The following COL25A1 variants were observed in gnomAD, a reference collection of about 807,000 sequenced individuals.
COL25A1 encodes collagen type XXV alpha 1 chain.
COL25A1 carries 103 observed loss-of-function variants against 128.4 expected under a neutral mutation model. The observed-to-expected ratio is 0.80, with a 90% confidence interval of 0.68 to 0.94. The LOEUF (loss-of-function observed/expected upper bound fraction) is 0.94, where lower values mean the gene tolerates loss of function less well. COL25A1 is among the 40% of genes least tolerant of loss of function. The pLI, the probability that COL25A1 is intolerant of heterozygous loss-of-function variation, is 0.00. For missense variants in COL25A1, 745 were observed against 840.0 expected (o/e 0.89, Z 1.40); for synonymous variants, 279 against 277.2 (o/e 1.01, Z -0.06).
At chr4:109,020,116 C>G (rs1354021076) in intron 5 of COL25A1, among the ~76,000 whole-genome samples, 1 of 151,986 alleles carries the variant, frequency 6.6e-6, no homozygotes, top group African/African-American at 2.4e-5. Flanking sequence ...AAACATAAAG[C>G]ATTATGGATT....
At chr4:108,864,460 T>C (rs997096306) in intron 20 of COL25A1, among the ~76,000 whole-genome samples, 4 of 152,214 alleles carry the variant, frequency 2.6e-5, no homozygotes, top group Non-Finnish European at 5.9e-5. Context: ...GACAAAGTTA[T>C]AGTACTCATC....
At chr4:109,183,618 A>G (rs1195312231) in intron 3 of COL25A1, among the ~76,000 whole-genome samples, 1 of 152,164 alleles carries the variant, frequency 6.6e-6, no homozygotes, top group African/African-American at 2.4e-5. Flanking sequence ...ATAACGAGGT[A>G]TTTCAGATTT....
chr4:108,939,073 G>A (rs1207191567), intron 10 of COL25A1, among the ~76,000 whole-genome samples: 1 of 152,040 alleles, frequency 6.6e-6, no homozygotes, highest in Non-Finnish European at 1.5e-5. Context: ...CTTTAATTTT[G>A]TTTTTAAAAA....
intron 3 of COL25A1, among the ~76,000 whole-genome samples, chr4:109,192,952 A>C (rs920757267): frequency 6.6e-6 from 1 of 152,174 alleles, no homozygotes; most frequent in Non-Finnish European, 1.5e-5. Context: ...CCGCAAGCCA[A>C]CGAAAAAGAT....
At chr4:108,972,119 T>C (rs1020571397) in intron 8 of COL25A1, among the ~76,000 whole-genome samples, 14 of 152,302 alleles carry the variant, frequency 9.2e-5, no homozygotes, top group Admixed American at 4.6e-4. Context: ...GGTCTCATGA[T>C]GGAAATTCAC....
At chr4:109,000,761 A>G in intron 6 of COL25A1, among the ~76,000 whole-genome samples, 1 of 142,926 alleles carries the variant, frequency 7.0e-6, no homozygotes, top group East Asian at 2.2e-4. Context: ...AAAAAAAAAA[A>G]AAAAAAAGAA....
At chr4:108,849,488 T>G (rs1285687885) in intron 26 of COL25A1, among the ~76,000 whole-genome samples, 1 of 152,230 alleles carries the variant, frequency 6.6e-6, no homozygotes, top group Non-Finnish European at 1.5e-5. Context: ...ATATAGAGAT[T>G]TTTGTTTGCT....
At chr4:109,135,043 AAAAC>A (rs1021934528) in intron 3 of COL25A1, among the ~76,000 whole-genome samples, 2 of 148,572 alleles carry the variant, frequency 1.3e-5, no homozygotes, top group African/African-American at 5.1e-5. Context: ...AAAAAAAAAA[AAAAC>A]CAAGAGAATG....
At chr4:109,096,023 G>T (rs867518069) in intron 3 of COL25A1, among the ~76,000 whole-genome samples, 5 of 152,166 alleles carry the variant, frequency 3.3e-5, no homozygotes, top group Non-Finnish European at 7.3e-5. Context: ...GAAGTGGAGC[G>T]AACGTGTCTG....
At chr4:108,922,025 T>G (rs1361472143) in intron 11 of COL25A1, among the ~76,000 whole-genome samples, 1 of 152,114 alleles carries the variant, frequency 6.6e-6, no homozygotes, top group Non-Finnish European at 1.5e-5. Context: ...GAGCCCCTCC[T>G]CCTATACAAG....
At chr4:109,249,455 C>T (rs775482213) in intron 3 of COL25A1, among the ~76,000 whole-genome samples, 4 of 152,096 alleles carry the variant, frequency 2.6e-5, no homozygotes, top group Non-Finnish European at 4.4e-5. Context: ...GGGAGGGAAT[C>T]GTCTTATTCA....
intron 3 of COL25A1, 94 bp from the exon 4 acceptor site, chr4:109,050,273 T>C: frequency 1.1e-6 from 1 of 902,360 alleles, no homozygotes; most frequent in Admixed American, 2.5e-5. Context: ...TTTCTCATTG[T>C]TTTTAACTAC....
chr4:109,076,123 A>C (rs1763355279), intron 3 of COL25A1, among the ~76,000 whole-genome samples: 1 of 152,182 alleles, frequency 6.6e-6, no homozygotes, highest in Non-Finnish European at 1.5e-5. Context: ...ATATGCAAAT[A>C]TTACTCCATT....
At chr4:108,926,822 G>A (rs892266246) in intron 11 of COL25A1, among the ~76,000 whole-genome samples, 13 of 151,976 alleles carry the variant, frequency 8.6e-5, no homozygotes, top group African/African-American at 2.2e-4. Context: ...TTATATGTAC[G>A]TCTGGAGTGT....
intron 3 of COL25A1, among the ~76,000 whole-genome samples, chr4:109,115,072 C>T (rs548723870): frequency 3.3e-5 from 5 of 152,050 alleles, no homozygotes; most frequent in African/African-American, 7.2e-5. Flanking sequence ...AAACAAAATA[C>T]ATTAAAATGT....
chr4:108,818,313 C>A (rs1384241845), intron 36 of COL25A1, among the ~76,000 whole-genome samples: 6 of 152,050 alleles, frequency 3.9e-5, no homozygotes, highest in African/African-American at 1.2e-4. Context: ...TAAATACAAT[C>A]TCTTAAAGAG....
intron 3 of COL25A1, among the ~76,000 whole-genome samples, chr4:109,273,203 G>C (rs887180560): frequency 6.6e-6 from 1 of 152,144 alleles, no homozygotes; most frequent in African/African-American, 2.4e-5. Context: ...ATTCTTACCA[G>C]ATTCTCAATT....
chr4:108,938,870 C>T (rs994176144), intron 10 of COL25A1, among the ~76,000 whole-genome samples: 1 of 151,760 alleles, frequency 6.6e-6, no homozygotes, highest in African/African-American at 2.4e-5. Context: ...AAAAAAAAAT[C>T]TTTTTCTAGC....
chr4:109,232,451 G>A (rs1779222800), intron 3 of COL25A1, among the ~76,000 whole-genome samples: 1 of 152,108 alleles, frequency 6.6e-6, no homozygotes, highest in Non-Finnish European at 1.5e-5. Context: ...ATAACATATA[G>A]AGTCACTGTC....
Sources: allele counts gnomAD v4.1 joint callset (sites outside exome capture counted in the v4.1 genomes callset), GRCh38; gene constraint gnomAD v4.1.1; transcripts MANE v1.5; gene names NCBI Gene and HGNC (gene_info 2026-07-23, HGNC 2026-07-21).